LAMA3: variants seen among roughly 807,000 people sequenced by gnomAD.
LAMA3 encodes the protein laminin subunit alpha 3, also known as laminin subunit alpha-3.
In LAMA3, 281 loss-of-function variants were observed where a neutral mutation model predicts 402.0. The observed-to-expected ratio is 0.70, with a 90% CI of 0.63 to 0.77. LAMA3 has a LOEUF of 0.77. Among genes scored for constraint, LAMA3 ranks in the 30% least tolerant of loss-of-function variants. LAMA3 has a pLI of 0.00. For missense variants in LAMA3, 3,840 were observed against 4,215.5 expected, an observed-to-expected ratio of 0.91 and a Z score of 2.47; for synonymous variants, 1,431 against 1,558.4, an observed-to-expected ratio of 0.92 and a Z score of 1.93.
At chr18:23,781,370 G>A (rs2062434296) in intron 11 of LAMA3, 1 of 447,394 alleles carries the variant, frequency 2.2e-6, no homozygotes, top group African/African-American at 2.0e-5. Flanking sequence ...CTGAAAAGGA[G>A]GAAAAACTTT....
chr18:23,953,208 G>C, intron 74 of LAMA3, 99 bp downstream of exon 74: 3 of 1,486,012 alleles, frequency 2.0e-6, no homozygotes, highest in Non-Finnish European at 2.8e-6. Context: ...GGACAGTGGA[G>C]ATGGTGAGGC....
intron 31 of LAMA3, 103 bp from the exon 32 acceptor site, chr18:23,847,361 C>A: frequency 8.2e-7 from 1 of 1,223,460 alleles, no homozygotes; most frequent in East Asian, 2.4e-5. Context: ...ATATTTCTCT[C>A]TGACCCTTTG....
intron 1 of LAMA3, among the ~76,000 whole-genome samples, chr18:23,707,432 A>G (rs2060910571): frequency 6.6e-6 from 1 of 152,212 alleles, no homozygotes; most frequent in African/African-American, 2.4e-5. Flanking sequence ...GCTATAACAA[A>G]GCAAACAATC....
chr18:23,904,580 G>A lies in LAMA3; in HGVS notation c.6501G>A (p.Glu2167=), dbSNP rs2081180937. The change falls in exon 51 of 75, where the codon GAG becomes GAA. Residue 2167 remains glutamate (E), a synonymous_variant. Transcript: ENST00000313654. ...EEIKRNASGD[E]LVRCAVDAAT... ...TCAAGAGAAACGCCAGCGGGGATGA[G>A]CTGGTGCGCTGTGCTGTGGATGCCG... is the stretch of plus-strand genomic sequence containing the variant. 1 of 1,606,706 alleles carries A rather than the reference G, an allele frequency of 6.2e-7. No homozygotes were observed. The highest frequency in any genetic ancestry group is 8.5e-7 in the Non-Finnish European group (1 of 1,176,726).
chr18:23,872,956 C>T lies in LAMA3; in HGVS notation c.4998+1295C>T, dbSNP rs939215972. 617 of 1,539,226 alleles carry T rather than the reference C, an allele frequency of 4.0e-4. 1 individual carries two copies. Among genetic ancestry groups the T allele is most frequent in the Non-Finnish European group, 2.8e-4 (318 of 1,123,208 alleles). On this transcript the variant is annotated intron_variant, in intron 38 of 74. Transcript: ENST00000313654. ...CGCAGACAGCCTTCCTCACCTGAGT[C>T]AGGCAGGCCCGGGCACTGAGCAGGA...
intron 39 of LAMA3, among the ~76,000 whole-genome samples, chr18:23,881,267 G>A (rs1373754094): frequency 1.3e-5 from 2 of 152,176 alleles, no homozygotes; most frequent in Non-Finnish European, 2.9e-5. Context: ...AAAAAGCTTA[G>A]ATAACATTAA....
chr18:23,901,463 CA>C, intron 48 of LAMA3, 140 bp downstream of exon 48: 1 of 729,510 alleles, frequency 1.4e-6, no homozygotes, highest in East Asian at 2.7e-5. Context: ...CAGACAGGAA[CA>C]AAGCGTTAAG....
chr18:23,724,250 C>T (rs1598651623), intron 2 of LAMA3, among the ~76,000 whole-genome samples: 3 of 152,042 alleles, frequency 2.0e-5, no homozygotes, highest in African/African-American at 4.8e-5. Context: ...ATGGTATGTA[C>T]GTATACATCT....
intron 68 of LAMA3, among the ~76,000 whole-genome samples, chr18:23,942,404 T>C (rs907221005): frequency 1.3e-5 from 2 of 152,194 alleles, no homozygotes; most frequent in African/African-American, 4.8e-5. Flanking sequence ...GAAACATCCA[T>C]CGTTGCATTC....
chr18:23,833,713 A>G, intron 23 of LAMA3, 115 bp from the exon 24 acceptor site: 1 of 1,116,526 alleles, frequency 9.0e-7, no homozygotes, highest in East Asian at 2.4e-5. Flanking sequence ...CTGGGATGAC[A>G]TATAAAAATA....
At chr18:23,721,760 C>T (rs1490529712) in intron 2 of LAMA3, among the ~76,000 whole-genome samples, 2 of 152,158 alleles carry the variant, frequency 1.3e-5, no homozygotes, top group Non-Finnish European at 2.9e-5. Context: ...GGCAGCTCTC[C>T]CCATGATTAG....
chr18:23,920,846 G>A lies in LAMA3; in HGVS notation c.7924-89G>A, dbSNP rs1447803569. On this transcript the variant is annotated intron_variant, in intron 60 of 74. Transcript: ENST00000313654. ...GAGGCAGCAGCTGAAGCTGAGAGCAGGGGGGTCTGTGAGAGTAACGGGAGT... is the reference window on the plus strand; with the variant it reads ...GAGGCAGCAGCTGAAGCTGAGAGCAAGGGGGTCTGTGAGAGTAACGGGAGT... 14 of 1,486,288 alleles carry A rather than the reference G, an allele frequency of 9.4e-6. No individual in the cohort carries two copies. In the Admixed American group the frequency reaches 1.2e-4, roughly 12 times the overall value. The allele number at this position is 1,486,288 out of a possible 1,614,324, so 92.1% of individuals were successfully genotyped here.
rs2034275456 is a variant in LAMA3 at position 23,839,096 on chromosome 18, G to A, written c.3191+218G>A. The stretch of plus-strand genomic sequence containing the variant: ...AGGAAGCTGACCCAGGAACAACCAG[G>A]GAAATGGTTAAGCCTACCCCTGGAG... On this transcript the variant is annotated intron_variant, in intron 26 of 74. Transcript: ENST00000313654. The surrounding 1 kb of genome is among the most constrained non-coding windows in gnomAD (Gnocchi z 4.5). Among the ~76,000 whole-genome samples, 1 of 152,170 alleles carries A rather than the reference G, an allele frequency of 6.6e-6. No individual in the cohort carries two copies. Among genetic ancestry groups the A allele is most frequent in the Non-Finnish European group, 1.5e-5 (1 of 68,024 alleles).
intron 11 of LAMA3, among the ~76,000 whole-genome samples, chr18:23,781,450 A>T (rs901076221): frequency 2.0e-5 from 3 of 152,242 alleles, no homozygotes; most frequent in Admixed American, 2.0e-4. Flanking sequence ...ACAGTAAAAA[A>T]GCATACAAAT....
rs1598871564 is a variant in LAMA3, at chr18:23,827,392, T to C, written c.2748T>C (p.Asp916=). ...LACEARHFLL[D]GEPRPVAVRQ... ...GTGAGGCCAGACACTTCCTGCTTGA[T>C]GGGGAGCCAAGACCCGTGGCAGTGA... The change falls in exon 23 of 75, where the codon GAT becomes GAC. Residue 916 remains aspartate, a synonymous_variant. Coordinates refer to ENST00000313654, the MANE Select transcript of LAMA3 (RefSeq NM_198129.4). The C allele has an allele frequency of 5.0e-6, 8 of 1,614,158 alleles. No homozygotes were observed. The highest frequency in any genetic ancestry group is 2.2e-5 in the East Asian group (1 of 44,882).
chr18:23,779,274 T>C (rs1207720087), intron 11 of LAMA3, among the ~76,000 whole-genome samples: 1 of 139,406 alleles, frequency 7.2e-6, no homozygotes, highest in Non-Finnish European at 1.5e-5. Context: ...TGAAAGAAAA[T>C]CTCAGGAGAA....
intron 4 of LAMA3, among the ~76,000 whole-genome samples, chr18:23,750,442 T>G (rs1055289172): frequency 1.5e-5 from 2 of 136,968 alleles, no homozygotes; most frequent in Non-Finnish European, 3.2e-5. Flanking sequence ...GTTTTTTTTT[T>G]TTTTTTTTTT....
At chr18:23,846,265 G>A in intron 30 of LAMA3, 32 bp from the exon 31 acceptor site, 2 of 1,608,398 alleles carry the variant, frequency 1.2e-6, no homozygotes, top group African/African-American at 1.3e-5. Flanking sequence ...CACCTCCCCA[G>A]GCATCACCAT....
In LAMA3 at chr18:23,796,137, T is replaced by A. The variant is rs1294243158; in HGVS notation, c.1603+11980T>A. The stretch of plus-strand genomic sequence containing the variant: ...GCCTCCAGAACTGGAGAAATAAATT[T>A]CTATTGTTTAAGCCCACCAGTCTAT... On this transcript the variant is annotated intron_variant, in intron 12 of 74. Transcript: ENST00000313654. The A allele has an allele frequency of 2.4e-5, 10 of 417,370 alleles. No individual in the cohort carries two copies. The Admixed American group carries it at 2.6e-4, about 11-fold the overall frequency. The allele number at this position is 417,370 out of a possible 1,614,324, so 25.9% of individuals were successfully genotyped here. A position where few individuals can be genotyped will look rare whatever the true frequency, so the allele number is the denominator to read the frequency against.
Sources: allele counts gnomAD v4.1 joint callset (sites outside exome capture counted in the v4.1 genomes callset), GRCh38; gene constraint gnomAD v4.1.1; non-coding constraint Gnocchi (gnomAD v3.1); transcripts MANE v1.5; gene names NCBI Gene and HGNC (gene_info 2026-07-23, HGNC 2026-07-21).